FAM78B: variants seen among roughly 807,000 people sequenced by gnomAD.
FAM78B encodes the protein protein FAM78B.
A neutral mutation model predicts 20.0 loss-of-function variants in FAM78B; 10 were observed. The observed-to-expected ratio is 0.50, with a 90% confidence interval of 0.31 to 0.85. The LOEUF is 0.85. Among genes scored for constraint, FAM78B ranks in the 40% least tolerant of loss-of-function variants. The pLI is 0.05. For missense variants in FAM78B, 283 were observed against 345.0 expected (o/e 0.82, Z 1.42); for synonymous variants, 135 against 132.8 (o/e 1.02, Z -0.12).
intron 1 of FAM78B, among the ~76,000 whole-genome samples, chr1:166,148,853 A>G (rs1655573073): frequency 6.6e-6 from 1 of 152,230 alleles, no homozygotes; most frequent in Non-Finnish European, 1.5e-5. Context: ...TAAAAATTAC[A>G]TTCACTGTTC....
chr1:166,160,731 T>A (rs1486333034), intron 1 of FAM78B, among the ~76,000 whole-genome samples: 2 of 152,244 alleles, frequency 1.3e-5, no homozygotes, highest in African/African-American at 2.4e-5. Flanking sequence ...TTATTTTGTA[T>A]CAAATGTTTC....
intron 1 of FAM78B, among the ~76,000 whole-genome samples, chr1:166,094,647 C>T (rs1653206919): frequency 6.6e-6 from 1 of 152,156 alleles, no homozygotes; most frequent in Admixed American, 6.5e-5. Context: ...ACAGAATGTG[C>T]CTTAATGTTT....
intron 1 of FAM78B, chr1:166,087,598 C>T (rs1360923391): frequency 6.6e-6 from 1 of 152,160 alleles, no homozygotes; most frequent in African/African-American, 2.4e-5. Context: ...GAAGGGGGCA[C>T]TGTAAGTCCT....
intron 1 of FAM78B, among the ~76,000 whole-genome samples, chr1:166,093,719 A>C (rs2101740003): frequency 6.6e-6 from 1 of 152,348 alleles, no homozygotes; most frequent in East Asian, 1.9e-4. Flanking sequence ...AGGGCCTGTA[A>C]ATAGCAGACA....
chr1:166,114,305 G>A (rs1300943936), intron 1 of FAM78B, among the ~76,000 whole-genome samples: 1 of 152,144 alleles, frequency 6.6e-6, no homozygotes, highest in Non-Finnish European at 1.5e-5. Flanking sequence ...AGGGTGCCCT[G>A]GGTCATAGTT....
At chr1:166,067,416 C>T (rs965681827), downstream of FAM78B, among the ~76,000 whole-genome samples, 1 of 151,964 alleles carries the variant, frequency 6.6e-6, no homozygotes, top group Non-Finnish European at 1.5e-5. Context: ...GTGTGTGTGT[C>T]TAAGTCCTGA....
At chr1:166,066,558 G>T (rs144215061), downstream of FAM78B, among the ~76,000 whole-genome samples, 1 of 152,082 alleles carries the variant, frequency 6.6e-6, no homozygotes, top group African/African-American at 2.4e-5. Flanking sequence ...TTTTGTTTGT[G>T]TACTCATGGA....
intron 1 of FAM78B, among the ~76,000 whole-genome samples, chr1:166,074,509 C>A (rs1174041367): frequency 6.6e-6 from 1 of 152,162 alleles, no homozygotes; most frequent in East Asian, 1.9e-4. Flanking sequence ...TAGTGTCTTG[C>A]ACATGGCTGG....
rs559435867 is a variant in FAM78B, at chr1:166,121,667, G to C, written c.263+44319C>G. Among the ~76,000 whole-genome samples, 7 of 152,242 alleles carry C rather than the reference G, an allele frequency of 4.6e-5. No individual in the cohort carries two copies. In the South Asian group the frequency reaches 1.2e-3, roughly 27 times the overall value. ...TCTAATAATTAGCACCATGTGCCAAGGTTTAGCTGTCCCAAGCATTTTACA... is the reference window on the plus strand; with the variant it reads ...TCTAATAATTAGCACCATGTGCCAACGTTTAGCTGTCCCAAGCATTTTACA... On this transcript the variant is annotated intron_variant, in intron 1 of 1. Coordinates refer to ENST00000354422, the MANE Select transcript of FAM78B (RefSeq NM_001017961.5).
intron 1 of FAM78B, among the ~76,000 whole-genome samples, chr1:166,106,891 A>G (rs993251753): frequency 1.3e-5 from 2 of 152,176 alleles, no homozygotes; most frequent in Non-Finnish European, 2.9e-5. Flanking sequence ...TTGAAGTTAT[A>G]TCAAAAAACT....
intron 1 of FAM78B, among the ~76,000 whole-genome samples, chr1:166,120,578 T>G (rs957234018): frequency 1.3e-5 from 2 of 152,194 alleles, no homozygotes; most frequent in Non-Finnish European, 2.9e-5. Flanking sequence ...CCAATTTGTG[T>G]GGAAATAGAA....
At chr1:166,137,112 G>A (rs545454377) in intron 1 of FAM78B, among the ~76,000 whole-genome samples, 1 of 152,338 alleles carries the variant, frequency 6.6e-6, no homozygotes, top group South Asian at 2.1e-4. Context: ...GAGGTTGGAA[G>A]GGAGGAGACC....
chr1:166,085,742 G>A (rs116250193), intron 1 of FAM78B, among the ~76,000 whole-genome samples: 158 of 152,274 alleles, frequency 1.0e-3, no homozygotes, highest in African/African-American at 3.6e-3. Flanking sequence ...GAACATAACC[G>A]ACAGGGTCTG....
chr1:166,154,671 G>C, intron 1 of FAM78B: 1 of 517,546 alleles, frequency 1.9e-6, no homozygotes. Context: ...AAAAACAGGG[G>C]GAGGTGACCA....
At chr1:166,113,279 C>T (rs1654128973) in intron 1 of FAM78B, among the ~76,000 whole-genome samples, 1 of 152,208 alleles carries the variant, frequency 6.6e-6, no homozygotes, top group African/African-American at 2.4e-5. Flanking sequence ...GAGAAAAAGA[C>T]TTACTTTCCA....
chr1:166,164,469 T>A (rs1380203309), intron 1 of FAM78B, among the ~76,000 whole-genome samples: 1 of 152,252 alleles, frequency 6.6e-6, no homozygotes, highest in Non-Finnish European at 1.5e-5. Flanking sequence ...AAATAAAATA[T>A]CCCCCATTTC....
chr1:166,133,263 G>A (rs552836324), intron 1 of FAM78B, among the ~76,000 whole-genome samples: 31 of 152,152 alleles, frequency 2.0e-4, no homozygotes, highest in Non-Finnish European at 7.3e-5. Context: ...TGGTAGTACC[G>A]GAAACTCCTC....
At chr1:166,129,349 C>T (rs1268253430) in intron 1 of FAM78B, among the ~76,000 whole-genome samples, 1 of 152,218 alleles carries the variant, frequency 6.6e-6, no homozygotes, top group Non-Finnish European at 1.5e-5. Flanking sequence ...GGAACCAAAG[C>T]CCCAGGCTGA....
intron 1 of FAM78B, among the ~76,000 whole-genome samples, chr1:166,154,017 C>T (rs1235836587): frequency 6.6e-6 from 1 of 152,178 alleles, no homozygotes; most frequent in African/African-American, 2.4e-5. Flanking sequence ...TTGACTGAAA[C>T]CAACTAAAAG....
Sources: gnomAD v4.1 joint callset for allele counts (sites outside exome capture counted in the v4.1 genomes callset) on GRCh38, gnomAD v4.1.1 for gene constraint, MANE v1.5 for transcripts, NCBI Gene and HGNC (gene_info 2026-07-23, HGNC 2026-07-21) for gene names.